REV1: variants seen among roughly 807,000 people sequenced by gnomAD.
The protein encoded by REV1 is translesion synthesis protein REV1.
A neutral mutation model predicts 137.4 loss-of-function variants in REV1; 42 were observed. The ratio of observed to expected loss-of-function variants is 0.31; its 90% CI spans 0.24 to 0.40. The LOEUF is 0.40. Ranked by LOEUF, REV1 falls within the 10% of genes least tolerant of loss-of-function variation. The probability of loss-of-function intolerance (pLI) is 1.00; values close to 1 mark genes in which losing one functional copy is unlikely to be tolerated. For synonymous variants in REV1, 524 were observed against 519.2 expected, an observed-to-expected ratio of 1.01 and a Z score of -0.12; for missense variants, 1,282 against 1,490.1, an observed-to-expected ratio of 0.86 and a Z score of 2.30.
At position 99,462,591 on chromosome 2, in the gene REV1, A is replaced by G; in HGVS notation, c.86T>C (p.Leu29Ser). 6.2e-7 allele frequency: 1 copy of G among 1,613,282 alleles called. No homozygotes were observed. The highest frequency in any genetic ancestry group is 8.5e-7 in the Non-Finnish European group (1 of 1,179,818). Reference protein sequence around the residue: ...GGYMAAKVQKLEEQFRSDAAM... With the variant: ...GGYMAAKVQKSEEQFRSDAAM... ...AGCATCTGATCGAAACTGTTCCTCC[A>G]ATTTCTGGACCTTGGCAGCCATATA... Residue 29 changes from leucine to serine, a missense_variant, in exon 3 of 23, where the codon TTG (leucine) becomes TCG (serine). Leu to Ser is a moderately radical substitution (Grantham distance 145). Coordinates refer to ENST00000258428, the MANE Select transcript of REV1 (RefSeq NM_016316.4).
Position 99,449,520 on chromosome 2 carries a change from TA to T in REV1, c.182-17del. ...GCGGAAGGATCTGCAAAATTTATAT[TA>T]AAATATATTAAGAGTCTTATGTGTA... On this transcript the variant is annotated splice_polypyrimidine_tract_variant and intron_variant, in intron 3 of 22. Coordinates refer to ENST00000258428, the MANE Select transcript of REV1 (RefSeq NM_016316.4). 1 of 1,342,056 alleles carries T rather than the reference TA, an allele frequency of 7.5e-7. No homozygotes were observed. The highest frequency in any genetic ancestry group is 9.9e-7 in the Non-Finnish European group (1 of 1,014,770). 83.1% of individuals were successfully genotyped at this position (1,342,056 alleles called of 1,614,324 possible).
At chr2:99,483,524 G>A (rs1226977953) in intron 1 of REV1, among the ~76,000 whole-genome samples, 1 of 152,136 alleles carries the variant, frequency 6.6e-6, no homozygotes, top group Non-Finnish European at 1.5e-5. Flanking sequence ...ACAAAGCCAT[G>A]GGACCCGACT....
chr2:99,449,742 G>A lies in REV1; in HGVS notation c.182-238C>T, dbSNP rs1682699544. Among the ~76,000 whole-genome samples the A allele has an allele frequency of 2.1e-5, 3 of 144,014 alleles. No individual in the cohort carries two copies. The Admixed American group carries it at 2.2e-4, about 10-fold the overall frequency. The allele number at this position is 144,014 out of a possible 152,430, so 94.5% of individuals were successfully genotyped here. A position where few individuals can be genotyped will look rare whatever the true frequency, so the allele number is the denominator to read the frequency against. On this transcript the variant is annotated intron_variant, in intron 3 of 22. Coordinates refer to ENST00000258428, the MANE Select transcript of REV1 (RefSeq NM_016316.4). ...ACTAACACAAAAACATCTAAGAAGT[G>A]CCTAGCAGAGCAAATAGGGACCTCA... is the stretch of plus-strand genomic sequence containing the variant.
At chr2:99,451,851 A>G (rs1439255412) in intron 3 of REV1, among the ~76,000 whole-genome samples, 1 of 152,188 alleles carries the variant, frequency 6.6e-6, no homozygotes, top group Non-Finnish European at 1.5e-5. Context: ...AGACCTGCCA[A>G]TAGTGCACTA....
chr2:99,477,743 A>C (rs567809525), intron 1 of REV1, among the ~76,000 whole-genome samples: 1 of 152,242 alleles, frequency 6.6e-6, no homozygotes, highest in Non-Finnish European at 1.5e-5. Context: ...CGTCTATCCC[A>C]AACAATTCAA....
intron 1 of REV1, among the ~76,000 whole-genome samples, chr2:99,469,073 T>C (rs762914438): frequency 2.6e-5 from 4 of 152,114 alleles, no homozygotes; most frequent in Non-Finnish European, 4.4e-5. Context: ...TAAAACAAAG[T>C]TCGACTGCAG....
chr2:99,443,493 CTG>C (rs1283177297), intron 4 of REV1, among the ~76,000 whole-genome samples: 1 of 152,064 alleles, frequency 6.6e-6, no homozygotes, highest in African/African-American at 2.4e-5. Context: ...TTAAAAATAA[CTG>C]AGTCAACAAC....
intron 12 of REV1, among the ~76,000 whole-genome samples, chr2:99,416,663 A>G (rs1403060664): frequency 6.6e-6 from 1 of 152,164 alleles, no homozygotes; most frequent in Non-Finnish European, 1.5e-5. Flanking sequence ...ACGGTGGCTC[A>G]TGCCTATAAT....
intron 1 of REV1, among the ~76,000 whole-genome samples, chr2:99,471,859 C>A (rs1478469667): frequency 6.8e-6 from 1 of 146,794 alleles, no homozygotes; most frequent in Non-Finnish European, 1.5e-5. Context: ...CAATGAGATA[C>A]CACCTCACAC....
chr2:99,436,688 T>C, intron 6 of REV1: 1 of 152,232 alleles, frequency 6.6e-6, no homozygotes, highest in East Asian at 1.9e-4. Context: ...TACAAAGAGA[T>C]TCATCAGGGT....
At chr2:99,447,971 C>T (rs911015760) in intron 4 of REV1, among the ~76,000 whole-genome samples, 9 of 152,152 alleles carry the variant, frequency 5.9e-5, no homozygotes, top group African/African-American at 1.9e-4. Flanking sequence ...GCTGGGATTA[C>T]AGGCATGAGC....
intron 3 of REV1, 74 bp downstream of exon 3, chr2:99,462,422 G>A: frequency 7.3e-7 from 1 of 1,377,876 alleles, no homozygotes; most frequent in South Asian, 1.3e-5. Flanking sequence ...AGTAAAAATA[G>A]AATTTTAAAA....
intron 11 of REV1, among the ~76,000 whole-genome samples, chr2:99,420,716 T>A (rs1224023648): frequency 6.6e-6 from 1 of 152,186 alleles, no homozygotes; most frequent in Admixed American, 6.5e-5. Context: ...GACAGGGAAC[T>A]TTGGAAGAAG....
intron 2 of REV1, among the ~76,000 whole-genome samples, chr2:99,463,471 G>A (rs1366566108): frequency 6.6e-6 from 1 of 152,160 alleles, no homozygotes; most frequent in African/African-American, 2.4e-5. Context: ...AACGAGCTGA[G>A]ATCGTGCTAT....
At chr2:99,447,744 C>T (rs906586271) in intron 4 of REV1, among the ~76,000 whole-genome samples, 6 of 150,368 alleles carry the variant, frequency 4.0e-5, no homozygotes, top group African/African-American at 4.9e-5. Context: ...TTTCCTGAGA[C>T]GGAGTCTTTC....
chr2:99,406,555 C>T (rs1201266527), intron 15 of REV1, 65 bp from the exon 16 acceptor site: 1 of 1,305,592 alleles, frequency 7.7e-7, no homozygotes, highest in Non-Finnish European at 1.0e-6. Context: ...TTCAGCTAAG[C>T]AAAATCCTCA....
Position 99,402,985 on chromosome 2 carries a change from G to T in REV1, c.3288C>A (p.Asn1096Lys). 6.2e-7 allele frequency: 1 copy of T among 1,614,216 alleles called. No individual in the cohort carries two copies. Among genetic ancestry groups the T allele is most frequent in the South Asian group, 1.1e-5 (1 of 91,086 alleles). ...CCCCTGGCAGAGTTTTTGCAGGACT[G>T]TTAAGCAGCTTGTTATTCAAAGGAC... is the stretch of plus-strand genomic sequence containing the variant. ...IQSPLNNKLL[N>K]SPAKTLPGAC... is the part of the protein sequence containing the mutation. The change falls in exon 20 of 23, where the codon AAC (asparagine) becomes AAA (lysine). Residue 1096 changes from asparagine (N) to lysine (K), a missense_variant. By Grantham distance (94) the Asn-to-Lys change is moderately conservative (BLOSUM62 0). Transcript: ENST00000258428.
At chr2:99,466,076 G>C (rs1184967541) in intron 1 of REV1, among the ~76,000 whole-genome samples, 1 of 151,734 alleles carries the variant, frequency 6.6e-6, no homozygotes, top group Non-Finnish European at 1.5e-5. Context: ...CGAGTAGCTG[G>C]GACTACAGGT....
At chr2:99,403,196 A>T in intron 19 of REV1, 90 bp from the exon 20 acceptor site, 21 of 1,089,842 alleles carry the variant, frequency 1.9e-5, no homozygotes, top group Non-Finnish European at 2.6e-5. Flanking sequence ...CCTCCCAAAT[A>T]CAACAGGCTC....
Sources: allele counts gnomAD v4.1 joint callset (sites outside exome capture counted in the v4.1 genomes callset), GRCh38; gene constraint gnomAD v4.1.1; transcripts MANE v1.5; gene names NCBI Gene and HGNC (gene_info 2026-07-23, HGNC 2026-07-21).